The following PEPD variants were observed in gnomAD, a reference collection of about 807,000 sequenced individuals.
The protein encoded by PEPD is peptidase D, also known as xaa-Pro dipeptidase.
In PEPD, 53 loss-of-function variants were observed where a neutral mutation model predicts 60.7. The ratio of observed to expected loss-of-function variants is 0.87; its 90% CI spans 0.70 to 1.10. The LOEUF (loss-of-function observed/expected upper bound fraction) is 1.10. Ranked by LOEUF, PEPD falls within the 50% of genes least tolerant of loss-of-function variation. The pLI is 0.00. For missense variants in PEPD, 711 were observed against 711.9 expected (o/e 1.00, Z 0.01); for synonymous variants, 267 against 284.1 (o/e 0.94, Z 0.60).
At chr19:33,484,425 A>T (rs1288416854) in intron 6 of PEPD, among the ~76,000 whole-genome samples, 5 of 152,248 alleles carry the variant, frequency 3.3e-5, no homozygotes, top group Non-Finnish European at 7.3e-5. Flanking sequence ...GTGACTCAGC[A>T]CATAGACACA....
At chr19:33,470,868 C>T (rs1423215360) in intron 7 of PEPD, among the ~76,000 whole-genome samples, 4 of 152,158 alleles carry the variant, frequency 2.6e-5, no homozygotes, top group African/African-American at 9.7e-5. Flanking sequence ...CCCAAAATCC[C>T]TCTGCCACTG....
At chr19:33,419,181 C>T (rs2145376337) in intron 9 of PEPD, among the ~76,000 whole-genome samples, 1 of 152,222 alleles carries the variant, frequency 6.6e-6, no homozygotes, top group South Asian at 2.1e-4. Context: ...GCTTCTTGGG[C>T]TTGCATGGAC....
intron 13 of PEPD, among the ~76,000 whole-genome samples, chr19:33,390,311 G>T (rs921358590): frequency 6.6e-6 from 1 of 152,212 alleles, no homozygotes; most frequent in African/African-American, 2.4e-5. Flanking sequence ...CCCAGCTCTT[G>T]GCTCCCTGCA....
In PEPD at chr19:33,426,021, T is replaced by C. The variant is rs533630456; in HGVS notation, c.672-12378A>G. Among the ~76,000 whole-genome samples, 5 of 152,354 alleles carry C rather than the reference T, an allele frequency of 3.3e-5. No individual in the cohort carries two copies. The South Asian group carries it at 1.0e-3, about 32-fold the overall frequency. ...TATTTGTAGAGACAGCATCTTGCTA[T>C]GTTGCCCAGGCTGCTCTCGAACTCC... On this transcript the variant is annotated intron_variant, in intron 9 of 14. Transcript: ENST00000244137.
chr19:33,489,654 G>C (rs1285778457), intron 6 of PEPD, among the ~76,000 whole-genome samples: 1 of 151,806 alleles, frequency 6.6e-6, no homozygotes, highest in Non-Finnish European at 1.5e-5. Context: ...ATAAAAGAAA[G>C]GGGGTGGTGG....
At chr19:33,416,080 G>A (rs778034746) in intron 9 of PEPD, among the ~76,000 whole-genome samples, 9 of 152,230 alleles carry the variant, frequency 5.9e-5, no homozygotes, top group Non-Finnish European at 1.0e-4. Context: ...TGAGCCCGGC[G>A]CGGCACAGTT....
At chr19:33,422,060 G>T (rs1435692863) in intron 9 of PEPD, among the ~76,000 whole-genome samples, 2 of 152,056 alleles carry the variant, frequency 1.3e-5, no homozygotes, top group Non-Finnish European at 2.9e-5. Context: ...CTTCCCATCG[G>T]CAGCCCACCT....
intron 9 of PEPD, among the ~76,000 whole-genome samples, chr19:33,432,468 G>A (rs1282608732): frequency 6.6e-6 from 1 of 151,432 alleles, no homozygotes; most frequent in Non-Finnish European, 1.5e-5. Flanking sequence ...GGGGAACACC[G>A]ACAGCTCAGG....
chr19:33,391,726 G>T (rs1299722248), intron 12 of PEPD, among the ~76,000 whole-genome samples: 1 of 152,152 alleles, frequency 6.6e-6, no homozygotes, highest in Non-Finnish European at 1.5e-5. Flanking sequence ...TGCCTCTAGG[G>T]GCAGGTTCCT....
At chr19:33,424,843 C>T (rs1247621565) in intron 9 of PEPD, among the ~76,000 whole-genome samples, 2 of 152,030 alleles carry the variant, frequency 1.3e-5, no homozygotes, top group African/African-American at 2.4e-5. Flanking sequence ...AGAGAAAATG[C>T]GAACCAGTGG....
intron 9 of PEPD, among the ~76,000 whole-genome samples, chr19:33,424,192 A>G (rs1969094641): frequency 6.6e-6 from 1 of 152,170 alleles, no homozygotes; most frequent in East Asian, 1.9e-4. Context: ...GACCCCCTCC[A>G]GTAAGTACCT....
chr19:33,401,994 C>T (rs1968508558), intron 11 of PEPD, 125 bp from the exon 12 acceptor site: 1 of 867,968 alleles, frequency 1.2e-6, no homozygotes, highest in African/African-American at 1.7e-5. Flanking sequence ...CTCCCCCTCA[C>T]AATGAGACCG....
chr19:33,392,452 G>A (rs1345865745), intron 12 of PEPD, among the ~76,000 whole-genome samples: 2 of 152,228 alleles, frequency 1.3e-5, no homozygotes, highest in African/African-American at 2.4e-5. Context: ...ACTCGAGGCC[G>A]GTGAGGCCTC....
rs527724829 is a variant in PEPD at position 33,393,585 on chromosome 19, G to A, written c.968-2106C>T. Among the ~76,000 whole-genome samples, 567 of 148,520 alleles carry A rather than the reference G, an allele frequency of 3.8e-3. 5 individuals carry two copies. Among genetic ancestry groups the A allele is most frequent in the African/African-American group, 7.9e-3 (301 of 38,264 alleles). ...AACAAACAGCCACAAGGCAGGCCCC[G>A]GGGGGTTGCTCTCAGAGCCTCTGTG... On this transcript the variant is annotated intron_variant, in intron 12 of 14. Coordinates refer to ENST00000244137, the MANE Select transcript of PEPD (RefSeq NM_000285.4).
At chr19:33,521,620 C>T in intron 1 of PEPD, 124 bp downstream of exon 1, 2 of 1,089,214 alleles carry the variant, frequency 1.8e-6, no homozygotes, top group Non-Finnish European at 2.7e-6. Context: ...TCCGGGCCAA[C>T]GGGAAGAGGC....
chr19:33,492,021 C>T (rs1348048133), intron 5 of PEPD, among the ~76,000 whole-genome samples: 1 of 134,474 alleles, frequency 7.4e-6, no homozygotes, highest in Non-Finnish European at 1.6e-5. Flanking sequence ...GAAACCTCTA[C>T]TTTACTTTTT....
At chr19:33,489,827 C>A (rs1333830805) in intron 6 of PEPD, among the ~76,000 whole-genome samples, 169 bp downstream of exon 6, 1 of 152,132 alleles carries the variant, frequency 6.6e-6, no homozygotes, top group Non-Finnish European at 1.5e-5. Context: ...CAAGAAAAAT[C>A]AAGGTGATTT....
chr19:33,411,856 T>G, intron 10 of PEPD, 107 bp from the exon 11 acceptor site: 1 of 741,194 alleles, frequency 1.3e-6, no homozygotes, highest in East Asian at 2.7e-5. Context: ...TGTCCCCACC[T>G]CCAGCACAGG....
intron 12 of PEPD, among the ~76,000 whole-genome samples, chr19:33,398,822 G>A (rs1481854729): frequency 6.6e-6 from 1 of 152,134 alleles, no homozygotes; most frequent in Non-Finnish European, 1.5e-5. Flanking sequence ...GTCCCTTCCT[G>A]CACCTCCTTT....
Sources: allele counts gnomAD v4.1 joint callset (sites outside exome capture counted in the v4.1 genomes callset), GRCh38; gene constraint gnomAD v4.1.1; transcripts MANE v1.5; gene names NCBI Gene and HGNC (gene_info 2026-07-23, HGNC 2026-07-21).